The following NTSR2 variants were observed in gnomAD, a reference collection of about 807,000 sequenced individuals.
The protein encoded by NTSR2 is neurotensin receptor type 2.
Under a neutral mutation model 24.1 loss-of-function variants are expected in NTSR2, and 22 were observed. The ratio of observed to expected loss-of-function variants is 0.91; its 90% CI spans 0.65 to 1.30. The LOEUF is 1.30. Ranked by LOEUF, NTSR2 falls within the 50% of genes most tolerant of loss-of-function variation. The probability of loss-of-function intolerance (pLI) is 0.00; values close to 1 mark genes in which losing one functional copy is unlikely to be tolerated. For missense variants in NTSR2, 570 were observed against 570.4 expected, an observed-to-expected ratio of 1.00 and a Z score of 0.01; for synonymous variants, 291 against 267.0, an observed-to-expected ratio of 1.09 and a Z score of -0.88.
At chr2:11,661,895 G>A in intron 2 of NTSR2, 72 bp downstream of exon 2, 11 of 1,397,020 alleles carry the variant, frequency 7.9e-6, no homozygotes, top group Non-Finnish European at 9.6e-6. Context: ...AGGTCACCCG[G>A]CCAGGGATTG....
intron 1 of NTSR2, among the ~76,000 whole-genome samples, chr2:11,668,836 C>T (rs756262924): frequency 7.2e-5 from 11 of 152,280 alleles, no homozygotes; most frequent in Admixed American, 2.6e-4. Context: ...ATTCAGAAGA[C>T]GGGAGAGTCC....
At chr2:11,669,459 C>CGGGGGCG in intron 1 of NTSR2, 47 bp downstream of exon 1, 1 of 337,894 alleles carries the variant, frequency 3.0e-6, no homozygotes, top group Non-Finnish European at 5.3e-6. Context: ...CTCCCAGCAC[C>CGGGGGCG]GCCCCCCCAC....
intron 1 of NTSR2, among the ~76,000 whole-genome samples, chr2:11,668,337 G>A (rs1661248672): frequency 6.6e-6 from 1 of 152,220 alleles, no homozygotes; most frequent in African/African-American, 2.4e-5. Flanking sequence ...TAGGAAGAGA[G>A]AGGGGACTTT....
chr2:11,658,483 G>T lies in NTSR2; in HGVS notation c.1229C>A (p.Thr410Asn). 1 of 1,600,120 alleles carries T rather than the reference G, an allele frequency of 6.2e-7. No homozygotes were observed. The highest frequency in any genetic ancestry group is 1.3e-5 in the African/African-American group (1 of 74,402). The change falls in exon 4 of 4, where the codon ACC becomes AAC. Residue 410 changes from threonine (T) to asparagine (N), a missense_variant. Thr to Asn is a moderately conservative substitution (Grantham distance 65). Transcript: ENST00000306928. ...SGFGDPPETR[T>N] ...CTGTTCATTCTTGCATTACATTCAG[G>T]TCCGGGTTTCTGGGGGATCCCCAAA...
At chr2:11,665,821 G>A (rs1661186017) in intron 1 of NTSR2, 1 of 153,048 alleles carries the variant, frequency 6.5e-6, no homozygotes, top group Non-Finnish European at 1.5e-5. Context: ...GGGCCCGTGG[G>A]TGCTCAAGCT....
At chr2:11,669,460 GCCC>G in intron 1 of NTSR2, 43 bp downstream of exon 1, 6 of 254,722 alleles carry the variant, frequency 2.4e-5, no homozygotes, top group East Asian at 5.5e-5. Flanking sequence ...TCCCAGCACC[GCCC>G]CCCCACCCCC....
intron 1 of NTSR2, among the ~76,000 whole-genome samples, chr2:11,668,048 G>A (rs770379314): frequency 6.6e-6 from 1 of 152,206 alleles, no homozygotes; most frequent in Non-Finnish European, 1.5e-5. Context: ...GATTCCGGGG[G>A]CAGGACTGTG....
Position 11,658,741 on chromosome 2 carries a change from A to G in NTSR2, c.990-19T>C. 6.2e-7 allele frequency: 1 copy of G among 1,611,490 alleles called. No individual in the cohort carries two copies. ...CAGTGGGCTGCAAGAGAAACCCGGG[A>G]GCCTGGTTAGAGGACCTGTCACCTC... On this transcript the variant is annotated intron_variant, in intron 3 of 3. Coordinates refer to ENST00000306928, the MANE Select transcript of NTSR2 (RefSeq NM_012344.4).
chr2:11,669,460 G>GGGGGGGGGGGGGGGCCCCCCCCCCCCCC, intron 1 of NTSR2, 46 bp downstream of exon 1: 19 of 254,716 alleles, frequency 7.5e-5, no homozygotes, highest in East Asian at 2.2e-4. Flanking sequence ...TCCCAGCACC[G>GGGGGGGGGGGGGGGCCCCCCCCCCCCCC]CCCCCCCACC....
In NTSR2 at chr2:11,658,350, A is replaced by G; in HGVS notation, c.*129T>C. The stretch of plus-strand genomic sequence containing the variant: ...TTCCCTGCGCTTGATGGTTCTCAGC[A>G]GAGCAGGGGTTGATAGAAGTCGCCC... On this transcript the variant is annotated 3_prime_UTR_variant, in exon 4 of 4. Coordinates refer to ENST00000306928, the MANE Select transcript of NTSR2 (RefSeq NM_012344.4). The G allele has an allele frequency of 7.6e-7, 1 of 1,315,488 alleles. No individual in the cohort carries two copies. The highest frequency in any genetic ancestry group is 1.0e-6 in the Non-Finnish European group (1 of 961,876). The allele number at this position is 1,315,488 out of a possible 1,614,324, so 81.5% of individuals were successfully genotyped here. A position where few individuals can be genotyped will look rare whatever the true frequency, so the allele number is the denominator to read the frequency against.
chr2:11,669,899 G>T lies in NTSR2; in HGVS notation c.231C>A (p.Leu77=), dbSNP rs146548287. The T allele has an allele frequency of 3.2e-6, 5 of 1,571,942 alleles. No homozygotes were observed. In the African/African-American group the frequency reaches 5.4e-5, roughly 17 times the overall value. Residue 77 remains leucine (L), a synonymous_variant, in exon 1 of 4, where the codon CTC becomes CTA. Coordinates refer to ENST00000306928, the MANE Select transcript of NTSR2 (RefSeq NM_012344.4). ...RLRHHVLSLA[L]AGLLLLLVGV... ...CGACCAGCAGCAGCAGCAGGCCCGC[G>T]AGCGCCAGGCTGAGCACGTGGTGGC...
rs374987241 is a variant in NTSR2 at position 11,669,499 on chromosome 2, C to G, written c.624+7G>C. On this transcript the variant is annotated splice_region_variant and intron_variant, in intron 1 of 3. Coordinates refer to ENST00000306928, the MANE Select transcript of NTSR2 (RefSeq NM_012344.4). ...CCTCCCCCGACTCCCGCTCTCCACG[C>G]CCTTACCTGGATAAAGACTTGGAGC... 1 of 1,413,410 alleles carries G rather than the reference C, an allele frequency of 7.1e-7. No individual in the cohort carries two copies. 87.6% of individuals were successfully genotyped at this position (1,413,410 alleles called of 1,614,324 possible). A position where few individuals can be genotyped will look rare whatever the true frequency, so the allele number is the denominator to read the frequency against.
intron 3 of NTSR2, among the ~76,000 whole-genome samples, chr2:11,658,950 C>A (rs1661002003): frequency 2.0e-5 from 3 of 152,146 alleles, no homozygotes; most frequent in Admixed American, 2.0e-4. Context: ...GCCTTCTGAG[C>A]TCAAGCAATT....
At chr2:11,662,545 G>A (rs1237624291) in intron 1 of NTSR2, among the ~76,000 whole-genome samples, 1 of 152,206 alleles carries the variant, frequency 6.6e-6, no homozygotes, top group Admixed American at 6.5e-5. Context: ...ACTTTGGGAG[G>A]CCGAGGCGGG....
Position 11,669,924 on chromosome 2 carries a change from C to A in NTSR2, c.206G>T (p.Arg69Leu). The A allele has an allele frequency of 6.5e-7, 1 of 1,536,080 alleles. No homozygotes were observed. The highest frequency in any genetic ancestry group is 8.7e-7 in the Non-Finnish European group (1 of 1,147,860). The change falls in exon 1 of 4, where the codon CGC becomes CTC. Residue 69 changes from arginine to leucine, a missense_variant. By Grantham distance (102) the Arg-to-Leu change is moderately radical. Coordinates refer to ENST00000306928, the MANE Select transcript of NTSR2 (RefSeq NM_012344.4). ...GAGCGCCAGGCTGAGCACGTGGTGG[C>A]GCAGGCGCCCCGCGCGCCCGGCCCG... ...KARAGRAGRL[R>L]HHVLSLALAG...
At chr2:11,660,220 G>A (rs1572263262) in intron 2 of NTSR2, 87 bp from the exon 3 acceptor site, 4 of 1,020,734 alleles carry the variant, frequency 3.9e-6, no homozygotes, top group Admixed American at 1.8e-5. Context: ...GCTGATGCCC[G>A]AGGGGATAGC....
chr2:11,667,258 A>G (rs80081673), intron 1 of NTSR2, among the ~76,000 whole-genome samples: 6,847 of 152,138 alleles, frequency 0.045, 514 homozygotes, highest in African/African-American at 0.16. Flanking sequence ...CATTTGCAAC[A>G]TAGAGTTCTG....
At position 11,658,630 on chromosome 2, in the gene NTSR2, A is replaced by G. The variant is rs1660987530; in HGVS notation, c.1082T>C (p.Val361Ala). ...SAVTPLLYNA[V>A]SSSFRKLFLE... Reference sequence around the variant, plus strand: ...GAAGAGTTTTCTGAAGGAGGAGGACACGGCGTTGTAGAGAAGAGGAGTCAC... The same window carrying G: ...GAAGAGTTTTCTGAAGGAGGAGGACGCGGCGTTGTAGAGAAGAGGAGTCAC... The change falls in exon 4 of 4, where the codon GTG becomes GCG. Residue 361 changes from valine (V) to alanine (A), a missense_variant. Val to Ala is a moderately conservative substitution (Grantham distance 64). Coordinates refer to ENST00000306928, the MANE Select transcript of NTSR2 (RefSeq NM_012344.4). 6.2e-7 allele frequency: 1 copy of G among 1,614,092 alleles called. No homozygotes were observed. Among genetic ancestry groups the G allele is most frequent in the African/African-American group, 1.3e-5 (1 of 74,940 alleles).
At chr2:11,663,977 T>C (rs755450713) in intron 1 of NTSR2, among the ~76,000 whole-genome samples, 10 of 152,200 alleles carry the variant, frequency 6.6e-5, no homozygotes, top group Non-Finnish European at 1.3e-4. Flanking sequence ...ATTGATACTA[T>C]GTGACTTAGA....
Sources: allele counts gnomAD v4.1 joint callset (sites outside exome capture counted in the v4.1 genomes callset), GRCh38; gene constraint gnomAD v4.1.1; transcripts MANE v1.5; gene names NCBI Gene and HGNC (gene_info 2026-07-23, HGNC 2026-07-21).